ULK4: variants seen among roughly 807,000 people sequenced by gnomAD.
ULK4 encodes the protein inactive serine/threonine-protein kinase ULK4.
Under a neutral mutation model 160.6 loss-of-function variants are expected in ULK4, and 133 were observed. That is an observed-to-expected ratio of 0.83 (90% CI 0.72 to 0.96). The LOEUF is 0.96. ULK4 is among the 40% of genes least tolerant of loss of function. The pLI is 0.00. For missense variants in ULK4, 1,580 were observed against 1,499.5 expected (o/e 1.05, Z -0.89); for synonymous variants, 534 against 539.8 (o/e 0.99, Z 0.15).
At chr3:41,561,486 T>C (rs1307807284) in intron 32 of ULK4, among the ~76,000 whole-genome samples, 5 of 152,210 alleles carry the variant, frequency 3.3e-5, no homozygotes, top group Non-Finnish European at 7.3e-5. Context: ...TGTGAATTCA[T>C]CTTGTCCTGG....
At chr3:41,383,089 CT>C (rs534879822) in intron 35 of ULK4, among the ~76,000 whole-genome samples, 3,975 of 141,908 alleles carry the variant, frequency 0.028, 89 homozygotes, top group Non-Finnish European at 0.04. Flanking sequence ...TTTTCTTTTT[CT>C]TTTTTTTTTT....
At chr3:41,625,698 C>A (rs968728372) in intron 30 of ULK4, among the ~76,000 whole-genome samples, 3 of 152,136 alleles carry the variant, frequency 2.0e-5, no homozygotes, top group African/African-American at 7.2e-5. Flanking sequence ...TGGTTGGCCA[C>A]CATGACTTAA....
At position 41,398,249 on chromosome 3, in the gene ULK4, G is replaced by A. The variant is rs577855019; in HGVS notation, c.3508C>T (p.Pro1170Ser). 18 of 1,612,250 alleles carry A rather than the reference G, an allele frequency of 1.1e-5. No homozygotes were observed. The highest frequency in any genetic ancestry group is 1.7e-4 in the Middle Eastern group (1 of 6,046). The change falls in exon 35 of 37, where the codon CCT becomes TCT. Residue 1170 changes from proline to serine, a missense_variant. Transcript: ENST00000301831. Reference protein sequence around the residue: ...LLIPLLPNEDPEIFDVSSKCL... With the variant: ...LLIPLLPNEDSEIFDVSSKCL... Reference sequence around the variant, plus strand: ...TTGGATGAAACATCAAAAATCTCAGGATCTTCATTAGGAAGCTGAAAATTA... The same window carrying A: ...TTGGATGAAACATCAAAAATCTCAGAATCTTCATTAGGAAGCTGAAAATTA...
At chr3:41,462,651 G>A (rs960503249) in intron 33 of ULK4, among the ~76,000 whole-genome samples, 1 of 152,178 alleles carries the variant, frequency 6.6e-6, no homozygotes, top group Non-Finnish European at 1.5e-5. Flanking sequence ...ACATAGGTAT[G>A]TATATGTGTC....
At chr3:41,650,622 T>A (rs1284415391) in intron 30 of ULK4, among the ~76,000 whole-genome samples, 1 of 152,232 alleles carries the variant, frequency 6.6e-6, no homozygotes, top group African/African-American at 2.4e-5. Context: ...CATGCCACTA[T>A]GTGCCTGGCT....
chr3:41,510,880 G>A (rs1481808911), intron 32 of ULK4, among the ~76,000 whole-genome samples: 2 of 152,064 alleles, frequency 1.3e-5, no homozygotes, highest in Non-Finnish European at 2.9e-5. Flanking sequence ...AAAAAGTCTG[G>A]GACGGGCGCA....
intron 32 of ULK4, among the ~76,000 whole-genome samples, chr3:41,493,975 T>C (rs2084893626): frequency 1.3e-5 from 2 of 149,134 alleles, no homozygotes; most frequent in Admixed American, 6.7e-5. Flanking sequence ...ACCAGATGGA[T>C]TCACAGCCGA....
At chr3:41,432,890 TA>T (rs77447291) in intron 34 of ULK4, among the ~76,000 whole-genome samples, 20 of 146,654 alleles carry the variant, frequency 1.4e-4, no homozygotes, top group African/African-American at 1.5e-4. Flanking sequence ...AATAAACGTT[TA>T]AAAAAAAAAA....
At chr3:41,347,251 T>C (rs1026037231) in intron 35 of ULK4, among the ~76,000 whole-genome samples, 2 of 152,266 alleles carry the variant, frequency 1.3e-5, no homozygotes, top group Admixed American at 6.5e-5. Flanking sequence ...CTAACTAGAC[T>C]TGTCATGTGT....
At chr3:41,927,611 G>A (rs1050356474) in intron 5 of ULK4, among the ~76,000 whole-genome samples, 7 of 149,794 alleles carry the variant, frequency 4.7e-5, no homozygotes, top group African/African-American at 1.5e-4. Flanking sequence ...CCCATCTCAC[G>A]TGCAGAGACA....
At chr3:41,431,360 A>G (rs1354333795) in intron 34 of ULK4, among the ~76,000 whole-genome samples, 1 of 85,858 alleles carries the variant, frequency 1.2e-5, no homozygotes, top group Non-Finnish European at 2.3e-5. Flanking sequence ...CACACAAATA[A>G]TAATAATAAT....
intron 22 of ULK4, among the ~76,000 whole-genome samples, chr3:41,737,664 C>T (rs775991694): frequency 6.6e-6 from 1 of 151,888 alleles, no homozygotes; most frequent in African/African-American, 2.4e-5. Flanking sequence ...TTCCCCCATG[C>T]AGAAACAATT....
chr3:41,637,644 T>G (rs2034012319), intron 30 of ULK4, among the ~76,000 whole-genome samples: 1 of 152,196 alleles, frequency 6.6e-6, no homozygotes, highest in African/African-American at 2.4e-5. Flanking sequence ...TGTAACAATT[T>G]CCATTCCTGT....
At position 41,919,636 on chromosome 3, in the gene ULK4, T is replaced by C. The variant is rs538589595; in HGVS notation, c.643+81A>G. 80 of 1,166,240 alleles carry C rather than the reference T, an allele frequency of 6.9e-5. No homozygotes were observed. In the East Asian group the frequency reaches 1.1e-3, roughly 16 times the overall value. The allele number at this position is 1,166,240 out of a possible 1,614,324, so 72.2% of individuals were successfully genotyped here. ...AAAAATCTAGTTTTTTCACATCTTA[T>C]AGGTAAAACATCTGCAAAGTACAGA... On this transcript the variant is annotated intron_variant, in intron 6 of 36. Transcript: ENST00000301831.
chr3:41,495,135 C>G (rs938339835), intron 32 of ULK4, among the ~76,000 whole-genome samples: 1 of 152,138 alleles, frequency 6.6e-6, no homozygotes, highest in South Asian at 2.1e-4. Flanking sequence ...CAATGCTAAG[C>G]CAAAGGAACA....
intron 19 of ULK4, among the ~76,000 whole-genome samples, chr3:41,816,116 T>A (rs1405672430): frequency 6.6e-6 from 1 of 151,430 alleles, no homozygotes; most frequent in Non-Finnish European, 1.5e-5. Flanking sequence ...ACACACAGAG[T>A]CTTATATATA....
intron 30 of ULK4, among the ~76,000 whole-genome samples, chr3:41,654,755 A>G (rs996469800): frequency 1.3e-5 from 2 of 152,248 alleles, no homozygotes; most frequent in Non-Finnish European, 2.9e-5. Context: ...GGCTGAGAGC[A>G]CTGGAACACA....
chr3:41,365,606 T>C (rs189275218), intron 35 of ULK4, among the ~76,000 whole-genome samples: 1 of 152,186 alleles, frequency 6.6e-6, no homozygotes, highest in African/African-American at 2.4e-5. Context: ...GGTAGAAATA[T>C]CATTATGTCT....
intron 32 of ULK4, among the ~76,000 whole-genome samples, chr3:41,500,916 G>T (rs2085180655): frequency 6.6e-6 from 1 of 152,052 alleles, no homozygotes; most frequent in Non-Finnish European, 1.5e-5. Context: ...TCTCCAGTAG[G>T]CCTTCATTGT....
Sources: allele counts gnomAD v4.1 joint callset (sites outside exome capture counted in the v4.1 genomes callset), GRCh38; gene constraint gnomAD v4.1.1; transcripts MANE v1.5; gene names NCBI Gene and HGNC (gene_info 2026-07-23, HGNC 2026-07-21).